The following LEF1 variants were observed in gnomAD, a reference collection of about 807,000 sequenced individuals.
The protein encoded by LEF1 is lymphoid enhancer-binding factor 1.
Under a neutral mutation model 51.2 loss-of-function variants are expected in LEF1, and 14 were observed. The observed-to-expected ratio is 0.27, with a 90% CI of 0.18 to 0.43. The LOEUF is 0.43. LEF1 is among the 20% of genes least tolerant of loss of function. The pLI, the probability that LEF1 is intolerant of heterozygous loss-of-function variation, is 1.00. For missense variants in LEF1, 386 were observed against 512.0 expected (o/e 0.75, Z 2.37); for synonymous variants, 185 against 183.2 (o/e 1.01, Z -0.08).
intron 3 of LEF1, among the ~76,000 whole-genome samples, chr4:108,144,865 C>CAAAAAAAAA (rs11394687): frequency 7.2e-4 from 30 of 41,910 alleles, no homozygotes; most frequent in Admixed American, 9.6e-4. Context: ...CCCAACCAGC[C>CAAAAAAAAA]AAAAAAAAAA....
intron 3 of LEF1, among the ~76,000 whole-genome samples, chr4:108,141,504 C>T (rs1743651276): frequency 6.6e-6 from 1 of 152,164 alleles, no homozygotes; most frequent in African/African-American, 2.4e-5. Flanking sequence ...GTAATCTCGT[C>T]CTGTTTTCAT....
intron 11 of LEF1, among the ~76,000 whole-genome samples, chr4:108,054,303 C>T (rs535430440): frequency 2.0e-5 from 3 of 152,204 alleles, no homozygotes; most frequent in Non-Finnish European, 2.9e-5. Flanking sequence ...CAGAGCCGGG[C>T]GAGTGCAGGG....
rs4245927 is a variant in LEF1, at chr4:108,048,434, A to C, written c.*324T>G. 1.7e-4 allele frequency: 58 copies of C among 333,556 alleles called. No individual in the cohort carries two copies. The East Asian group carries it at 2.7e-3, about 15-fold the overall frequency. 20.7% of individuals were successfully genotyped at this position (333,556 alleles called of 1,614,324 possible). ...GCTCTGGGAAGTGCACGCAGATATG[A>C]GGGGAGAAAAGCTGCTCAGCTGCCC... On this transcript the variant is annotated 3_prime_UTR_variant, in exon 12 of 12. Transcript: ENST00000265165.
intron 11 of LEF1, among the ~76,000 whole-genome samples, chr4:108,051,266 A>T (rs1033138189): frequency 1.3e-5 from 2 of 152,184 alleles, no homozygotes; most frequent in African/African-American, 4.8e-5. Context: ...TGCTTAAAAA[A>T]AAAAAAGAGC....
At chr4:108,132,488 A>G (rs1253226650) in intron 3 of LEF1, among the ~76,000 whole-genome samples, 1 of 151,946 alleles carries the variant, frequency 6.6e-6, no homozygotes, top group Non-Finnish European at 1.5e-5. Flanking sequence ...TGAGACCTGG[A>G]GTGCAGGCAC....
At chr4:108,073,414 C>T (rs1738627085) in intron 8 of LEF1, among the ~76,000 whole-genome samples, 1 of 151,994 alleles carries the variant, frequency 6.6e-6, no homozygotes, top group African/African-American at 2.4e-5. Flanking sequence ...GATATTTACA[C>T]AATTAGCTTT....
At chr4:108,165,522 G>A (rs1393817603) in intron 1 of LEF1, among the ~76,000 whole-genome samples, 1 of 152,182 alleles carries the variant, frequency 6.6e-6, no homozygotes, top group Non-Finnish European at 1.5e-5. Flanking sequence ...GGGGTTGATG[G>A]TTTCGATAGC....
At chr4:108,145,686 G>T (rs1268857839) in intron 3 of LEF1, among the ~76,000 whole-genome samples, 2 of 152,296 alleles carry the variant, frequency 1.3e-5, no homozygotes, top group Admixed American at 6.5e-5. Flanking sequence ...TGACATGAAT[G>T]AACCCTGAAT....
Position 108,047,711 on chromosome 4 carries a change from T to C in LEF1, c.*1047A>G, listed in dbSNP as rs1736707904. ...TCAATGCTCATTTTAACAACTGGCA[T>C]AAAATCCCACTAATTGGCTAATAAA... On this transcript the variant is annotated 3_prime_UTR_variant, in exon 12 of 12. Coordinates refer to ENST00000265165, the MANE Select transcript of LEF1 (RefSeq NM_016269.5). 1 of 152,652 alleles carries C rather than the reference T, an allele frequency of 6.6e-6. No homozygotes were observed. The highest frequency in any genetic ancestry group is 1.5e-5 in the Non-Finnish European group (1 of 68,036). 9.5% of individuals were successfully genotyped at this position (152,652 alleles called of 1,614,324 possible). A position where few individuals can be genotyped will look rare whatever the true frequency, so the allele number is the denominator to read the frequency against.
chr4:108,146,252 C>G (rs1402588683), intron 3 of LEF1, among the ~76,000 whole-genome samples: 1 of 152,168 alleles, frequency 6.6e-6, no homozygotes, highest in African/African-American at 2.4e-5. Flanking sequence ...TGACTGGGGT[C>G]AAGGAATTCA....
intron 6 of LEF1, among the ~76,000 whole-genome samples, chr4:108,080,980 C>T (rs1041608848): frequency 2.0e-5 from 3 of 152,046 alleles, no homozygotes; most frequent in South Asian, 2.1e-4. Context: ...AGCAGCTTCT[C>T]GGTGCGGCGC....
At chr4:108,106,530 C>A (rs1741178105) in intron 3 of LEF1, among the ~76,000 whole-genome samples, 1 of 152,126 alleles carries the variant, frequency 6.6e-6, no homozygotes, top group Non-Finnish European at 1.5e-5. Flanking sequence ...CCAGTGGAAG[C>A]AAGCCAGCGA....
chr4:108,149,623 GTGTATATATA>G (rs1744239133), intron 3 of LEF1, among the ~76,000 whole-genome samples: 1 of 145,646 alleles, frequency 6.9e-6, no homozygotes, highest in Non-Finnish European at 1.5e-5. Flanking sequence ...ATATATACAT[GTGTATATATA>G]TGTACATATA....
intron 9 of LEF1, among the ~76,000 whole-genome samples, chr4:108,068,458 G>GA (rs1738232052): frequency 6.6e-6 from 1 of 152,114 alleles, no homozygotes; most frequent in Non-Finnish European, 1.5e-5. Context: ...TTCCTCACCT[G>GA]AAAAATGGAG....
At chr4:108,076,928 G>A (rs934817941) in intron 8 of LEF1, among the ~76,000 whole-genome samples, 1 of 150,668 alleles carries the variant, frequency 6.6e-6, no homozygotes, top group Non-Finnish European at 1.5e-5. Flanking sequence ...TCAGGAAGCG[G>A]AGGCAGGAGA....
intron 7 of LEF1, 112 bp downstream of exon 7, chr4:108,079,380 T>C (rs6819640): frequency 0.89 from 1,086,243 of 1,220,868 alleles, 486,207 homozygotes; most frequent in East Asian, 0.96. Context: ...CAGAGGTGCA[T>C]TGAGTTTCAC....
intron 9 of LEF1, among the ~76,000 whole-genome samples, chr4:108,068,782 C>T (rs1420880648): frequency 6.6e-6 from 1 of 152,202 alleles, no homozygotes; most frequent in Non-Finnish European, 1.5e-5. Context: ...TCCTTGTCAT[C>T]ATCTCTTGTG....
At chr4:108,055,242 C>T (rs1737243185) in intron 11 of LEF1, among the ~76,000 whole-genome samples, 1 of 152,066 alleles carries the variant, frequency 6.6e-6, no homozygotes, top group African/African-American at 2.4e-5. Flanking sequence ...GGGTATAGTC[C>T]CAAACAGCAA....
At chr4:108,083,294 G>T in intron 5 of LEF1, 62 bp downstream of exon 5, 2 of 1,113,856 alleles carry the variant, frequency 1.8e-6, no homozygotes, top group Non-Finnish European at 2.8e-6. Context: ...TAATTTCCAT[G>T]AATGGAAAGT....
Sources: gnomAD v4.1 joint callset for allele counts (sites outside exome capture counted in the v4.1 genomes callset) on GRCh38, gnomAD v4.1.1 for gene constraint, MANE v1.5 for transcripts, NCBI Gene and HGNC (gene_info 2026-07-23, HGNC 2026-07-21) for gene names.